Variants in WDR7 observed in about 807,000 individuals in gnomAD.
WDR7 encodes WD repeat domain 7, also known as WD repeat-containing protein 7.
In WDR7, 46 loss-of-function variants were observed where a neutral mutation model predicts 169.4. That is an observed-to-expected ratio of 0.27 (90% CI 0.21 to 0.35). The LOEUF (loss-of-function observed/expected upper bound fraction) is 0.35. Among genes scored for constraint, WDR7 ranks in the 10% least tolerant of loss-of-function variants. The pLI, the probability that WDR7 is intolerant of heterozygous loss-of-function variation, is 1.00. For synonymous variants in WDR7, 612 were observed against 666.8 expected (o/e 0.92, Z 1.27); for missense variants, 1,534 against 1,859.3 (o/e 0.83, Z 3.22).
chr18:56,791,741 C>T (rs2044488026), intron 19 of WDR7, among the ~76,000 whole-genome samples: 1 of 152,158 alleles, frequency 6.6e-6, no homozygotes, highest in South Asian at 2.1e-4. Context: ...GATTCTGAGA[C>T]CATCCCAAGC....
chr18:56,812,451 TAGAG>T (rs916451676), intron 19 of WDR7, among the ~76,000 whole-genome samples: 1 of 152,106 alleles, frequency 6.6e-6, no homozygotes, highest in Non-Finnish European at 1.5e-5. Flanking sequence ...AAAGAATAGA[TAGAG>T]AGAACAGGGG....
intron 12 of WDR7, among the ~76,000 whole-genome samples, chr18:56,709,500 A>G (rs930824496): frequency 6.6e-6 from 1 of 152,206 alleles, no homozygotes; most frequent in African/African-American, 2.4e-5. Flanking sequence ...GCATGAATTT[A>G]TATTTCGTGT....
At chr18:56,883,681 A>C (rs2046145525) in intron 21 of WDR7, among the ~76,000 whole-genome samples, 1 of 151,846 alleles carries the variant, frequency 6.6e-6, no homozygotes, top group African/African-American at 2.4e-5. Context: ...TTTCCCCTGA[A>C]TCCTGAATGT....
In WDR7 at chr18:56,938,057, G is replaced by A. The variant is rs78733434; in HGVS notation, c.3832-476G>A. 1.5e-3 allele frequency among the ~76,000 whole-genome samples: 231 copies of A among 151,928 alleles called. 2 individuals are homozygous for A. Among genetic ancestry groups the A allele is most frequent in the African/African-American group, 5.5e-3 (226 of 41,238 alleles). ...GTCATCTCCACATTGAGTAGACTGA[G>A]GGGGAGGAAGTGGAGGGGATTAGTC... On this transcript the variant is annotated intron_variant, in intron 23 of 27. Transcript: ENST00000254442.
intron 21 of WDR7, among the ~76,000 whole-genome samples, chr18:56,885,606 C>T (rs959692649): frequency 4.6e-5 from 7 of 151,452 alleles, no homozygotes; most frequent in African/African-American, 7.3e-5. Context: ...GGGCGGATCA[C>T]GAGGTCAGAT....
At chr18:56,943,191 C>T (rs921909990) in intron 25 of WDR7, among the ~76,000 whole-genome samples, 7 of 152,110 alleles carry the variant, frequency 4.6e-5, no homozygotes, top group Non-Finnish European at 7.4e-5. Flanking sequence ...ATGTCTGTAC[C>T]GTTGGATTCT....
At chr18:56,704,154 A>G (rs983510253) in intron 12 of WDR7, among the ~76,000 whole-genome samples, 5 of 152,190 alleles carry the variant, frequency 3.3e-5, no homozygotes, top group East Asian at 1.9e-4. Flanking sequence ...TACCAATACT[A>G]TATTAGTTGT....
intron 14 of WDR7, among the ~76,000 whole-genome samples, chr18:56,745,537 AG>A (rs1427397122): frequency 6.6e-6 from 1 of 152,102 alleles, no homozygotes; most frequent in Non-Finnish European, 1.5e-5. Context: ...AGTTCACAAT[AG>A]GGTTTTCACT....
At chr18:56,836,555 G>A (rs986962264) in intron 20 of WDR7, among the ~76,000 whole-genome samples, 13 of 152,154 alleles carry the variant, frequency 8.5e-5, no homozygotes, top group African/African-American at 2.4e-4. Flanking sequence ...GTCAACCCTA[G>A]ACATGCGTGC....
At chr18:56,845,164 T>C (rs1469836326) in intron 20 of WDR7, among the ~76,000 whole-genome samples, 1 of 152,132 alleles carries the variant, frequency 6.6e-6, no homozygotes, top group Non-Finnish European at 1.5e-5. Context: ...TGATCTGATA[T>C]GTCCCACTCT....
rs150426898 is a variant in WDR7 at position 57,024,058 on chromosome 18, A to G, written c.4270-2946A>G. Among the ~76,000 whole-genome samples, 20 of 152,322 alleles carry G rather than the reference A, an allele frequency of 1.3e-4. No homozygotes were observed. In the East Asian group the frequency reaches 2.9e-3, roughly 22 times the overall value. ...ACTCTGCTTCTCTTCATCTTTATGT[A>G]TATGTGGAGGTCTGGAAGGTTGTTT... is the stretch of plus-strand genomic sequence containing the variant. On this transcript the variant is annotated intron_variant, in intron 27 of 27. Coordinates refer to ENST00000254442, the MANE Select transcript of WDR7 (RefSeq NM_015285.3).
intron 26 of WDR7, among the ~76,000 whole-genome samples, chr18:57,008,918 G>C (rs2145909769): frequency 6.6e-6 from 1 of 152,288 alleles, no homozygotes; most frequent in Non-Finnish European, 1.5e-5. Flanking sequence ...TTAATCCCAT[G>C]AGGTAGGCAA....
At chr18:56,723,813 A>G (rs568746572) in intron 13 of WDR7, among the ~76,000 whole-genome samples, 2 of 152,170 alleles carry the variant, frequency 1.3e-5, no homozygotes, top group Admixed American at 1.3e-4. Context: ...TGGAGACTCC[A>G]ATTATATGTC....
intron 20 of WDR7, among the ~76,000 whole-genome samples, chr18:56,851,487 A>G (rs2045639989): frequency 6.6e-6 from 1 of 152,152 alleles, no homozygotes; most frequent in South Asian, 2.1e-4. Context: ...GCTTAGTTTA[A>G]CATATAATAT....
rs1338021009 is a variant in WDR7, at chr18:56,908,963, T to A, written c.3527-14959T>A. ...ATAATTTCCAGATAAATATCTGTGA[T>A]TGAAGAAAGTAACTAAGGAACCGTT... On this transcript the variant is annotated intron_variant, in intron 21 of 27. Transcript: ENST00000254442. Among the ~76,000 whole-genome samples, 3 of 152,204 alleles carry A rather than the reference T, an allele frequency of 2.0e-5. No individual in the cohort carries two copies. In the East Asian group the frequency reaches 5.8e-4, roughly 29 times the overall value.
intron 21 of WDR7, among the ~76,000 whole-genome samples, chr18:56,903,546 A>G (rs2046432653): frequency 6.6e-6 from 1 of 152,118 alleles, no homozygotes; most frequent in South Asian, 2.1e-4. Context: ...CAGCCTCCCG[A>G]GTAGCTGGGA....
chr18:56,942,384 C>T (rs2047046319), intron 25 of WDR7, among the ~76,000 whole-genome samples: 1 of 152,138 alleles, frequency 6.6e-6, no homozygotes, highest in Non-Finnish European at 1.5e-5. Flanking sequence ...TCTTATCTCC[C>T]TCTGGTATCT....
chr18:56,807,497 C>T (rs531535646), intron 19 of WDR7, among the ~76,000 whole-genome samples: 1 of 152,092 alleles, frequency 6.6e-6, no homozygotes, highest in African/African-American at 2.4e-5. Context: ...AATGATGGAT[C>T]AATTTTTAGA....
At chr18:56,923,807 T>C in intron 21 of WDR7, 115 bp from the exon 22 acceptor site, 3 of 1,029,074 alleles carry the variant, frequency 2.9e-6, no homozygotes, top group South Asian at 2.1e-5. Flanking sequence ...TGAGGTTCAA[T>C]ACCTTTTTCA....
Sources: gnomAD v4.1 joint callset for allele counts (sites outside exome capture counted in the v4.1 genomes callset) on GRCh38, gnomAD v4.1.1 for gene constraint, MANE v1.5 for transcripts, NCBI Gene and HGNC (gene_info 2026-07-23, HGNC 2026-07-21) for gene names.